Variants in C8A observed in about 807,000 individuals in gnomAD.
The protein encoded by C8A is complement C8 alpha chain.
Under a neutral mutation model 65.3 loss-of-function variants are expected in C8A, and 67 were observed. The observed-to-expected ratio is 1.03, with a 90% CI of 0.84 to 1.26. C8A has a LOEUF of 1.26. C8A is among the 50% of genes most tolerant of loss of function. C8A has a pLI of 0.00. For synonymous variants in C8A, 290 were observed against 259.4 expected (o/e 1.12, Z -1.13); for missense variants, 781 against 723.9 (o/e 1.08, Z -0.90).
Position 56,912,594 on chromosome 1 carries a change from G to C in C8A, c.1572G>C (p.Leu524Phe). 6.2e-7 allele frequency: 1 copy of C among 1,614,180 alleles called. No homozygotes were observed. The highest frequency in any genetic ancestry group is 8.5e-7 in the Non-Finnish European group (1 of 1,180,038). ...GGTGCCAGTGCCGCCTGGGTAGCTT[G>C]GGTGCTGCCTGTGAGCAAACACAGA... ...SCRCQCRLGS[L>F]GAACEQTQTE... Residue 524 changes from leucine (L) to phenylalanine (F), a missense_variant, in exon 10 of 11, where the codon TTG becomes TTC. Leu to Phe is a conservative substitution (Grantham distance 22). Transcript: ENST00000361249.
chr1:56,881,434 G>T lies in C8A; in HGVS notation c.465-11G>T, dbSNP rs778608536. 6.2e-7 allele frequency: 1 copy of T among 1,613,384 alleles called. No homozygotes were observed. The highest frequency in any genetic ancestry group is 2.2e-5 in the East Asian group (1 of 44,878). On this transcript the variant is annotated splice_polypyrimidine_tract_variant and intron_variant, in intron 4 of 10. Coordinates refer to ENST00000361249, the MANE Select transcript of C8A (RefSeq NM_000562.3). ...CCACTAGCTATTTAGAAGCTGCTTT[G>T]TTCCATGTAGGTACAATATCCTGAC...
At chr1:56,914,106 G>A (rs189431048) in intron 10 of C8A, among the ~76,000 whole-genome samples, 82 of 152,286 alleles carry the variant, frequency 5.4e-4, no homozygotes, top group Non-Finnish European at 9.6e-4. Flanking sequence ...GAAAGATTGG[G>A]AATTTTAGGC....
intron 7 of C8A, among the ~76,000 whole-genome samples, chr1:56,891,727 T>C (rs918482581): frequency 6.6e-6 from 1 of 152,096 alleles, no homozygotes; most frequent in East Asian, 1.9e-4. Flanking sequence ...TGTGTGTGCA[T>C]GCACACATAC....
chr1:56,889,347 A>G (rs1226058513), intron 7 of C8A, among the ~76,000 whole-genome samples: 1 of 152,192 alleles, frequency 6.6e-6, no homozygotes, highest in Non-Finnish European at 1.5e-5. Context: ...TCCTTTTGAC[A>G]AACAGAATCA....
intron 2 of C8A, among the ~76,000 whole-genome samples, chr1:56,869,012 C>T (rs1644117795): frequency 6.6e-6 from 1 of 152,090 alleles, no homozygotes; most frequent in Non-Finnish European, 1.5e-5. Flanking sequence ...AGATGTTTTC[C>T]TTCTTTTATT....
chr1:56,882,251 A>G (rs1487789496), intron 5 of C8A, among the ~76,000 whole-genome samples: 1 of 152,146 alleles, frequency 6.6e-6, no homozygotes, highest in African/African-American at 2.4e-5. Context: ...ACTCATGGCC[A>G]TTAATTTTCT....
chr1:56,909,256 C>T (rs1293501269), intron 9 of C8A, among the ~76,000 whole-genome samples: 1 of 152,200 alleles, frequency 6.6e-6, no homozygotes, highest in African/African-American at 2.4e-5. Context: ...ATCATTTTCT[C>T]ATCCATTTTC....
chr1:56,890,447 C>G (rs1557708315), intron 7 of C8A, among the ~76,000 whole-genome samples: 3 of 152,140 alleles, frequency 2.0e-5, no homozygotes, highest in Non-Finnish European at 4.4e-5. Context: ...ACAAAATAAA[C>G]AGCCAAAGTC....
intron 10 of C8A, among the ~76,000 whole-genome samples, chr1:56,916,725 G>T (rs1178863800): frequency 6.6e-6 from 1 of 151,960 alleles, no homozygotes; most frequent in East Asian, 1.9e-4. Context: ...AAATTGTGAT[G>T]AAAAAAATAA....
chr1:56,896,122 A>G (rs561203651), intron 7 of C8A, among the ~76,000 whole-genome samples: 2 of 152,190 alleles, frequency 1.3e-5, no homozygotes, highest in African/African-American at 4.8e-5. Flanking sequence ...AATCATCAAT[A>G]GCCCTAAGGG....
intron 9 of C8A, among the ~76,000 whole-genome samples, chr1:56,910,483 G>A (rs1343109197): frequency 6.6e-6 from 1 of 152,158 alleles, no homozygotes; most frequent in African/African-American, 2.4e-5. Flanking sequence ...TCCTGGGAGG[G>A]AGAGATCTGA....
At chr1:56,905,698 G>C (rs1644459069) in intron 7 of C8A, among the ~76,000 whole-genome samples, 1 of 152,204 alleles carries the variant, frequency 6.6e-6, no homozygotes, top group Non-Finnish European at 1.5e-5. Context: ...TAGAATAACA[G>C]TATGACTGGA....
intron 3 of C8A, among the ~76,000 whole-genome samples, chr1:56,875,697 AG>A (rs759457480): frequency 1.3e-5 from 2 of 152,064 alleles, no homozygotes; most frequent in Admixed American, 6.6e-5. Flanking sequence ...TTTGGAAGAG[AG>A]GTAGGTGATG....
intron 9 of C8A, among the ~76,000 whole-genome samples, chr1:56,909,634 C>T (rs949640300): frequency 6.6e-6 from 1 of 152,150 alleles, no homozygotes; most frequent in Admixed American, 6.5e-5. Context: ...TTGGAGAAGA[C>T]CACTACAGTC....
chr1:56,871,327 C>G (rs921330720), intron 2 of C8A, among the ~76,000 whole-genome samples: 1 of 152,192 alleles, frequency 6.6e-6, no homozygotes, highest in Non-Finnish European at 1.5e-5. Flanking sequence ...CGCGGCTGAC[C>G]GCTCCACACT....
intron 2 of C8A, 118 bp from the exon 3 acceptor site, chr1:56,874,831 G>C (rs1644182066): frequency 1.6e-5 from 18 of 1,107,762 alleles, no homozygotes; most frequent in Admixed American, 2.0e-5. Context: ...CAGCTTCACA[G>C]GCAGGTCTCA....
chr1:56,865,079 A>G (rs1183279831), intron 1 of C8A, among the ~76,000 whole-genome samples: 3 of 152,246 alleles, frequency 2.0e-5, no homozygotes, highest in Non-Finnish European at 2.9e-5. Context: ...TGTTAATTTA[A>G]TTAAACCTCA....
intron 10 of C8A, among the ~76,000 whole-genome samples, chr1:56,913,865 C>T (rs771602914): frequency 2.0e-5 from 3 of 152,110 alleles, no homozygotes; most frequent in Non-Finnish European, 2.9e-5. Flanking sequence ...GGCTCAATGG[C>T]CATGTGAAAG....
At chr1:56,873,252 T>C (rs186488239) in intron 2 of C8A, among the ~76,000 whole-genome samples, 220 of 152,254 alleles carry the variant, frequency 1.4e-3, no homozygotes, top group African/African-American at 4.9e-3. Context: ...ACAGTAACAA[T>C]GTGAAAACCA....
Sources: gnomAD v4.1 joint callset for allele counts (sites outside exome capture counted in the v4.1 genomes callset) on GRCh38, gnomAD v4.1.1 for gene constraint, MANE v1.5 for transcripts, NCBI Gene and HGNC (gene_info 2026-07-23, HGNC 2026-07-21) for gene names.